The following ALDH1A2 variants were observed in gnomAD, a reference collection of about 807,000 sequenced individuals.
ALDH1A2 encodes retinal dehydrogenase 2.
In ALDH1A2, 27 loss-of-function variants were observed where a neutral mutation model predicts 60.3. That is an observed-to-expected ratio of 0.45 (90% CI 0.33 to 0.62). The LOEUF (loss-of-function observed/expected upper bound fraction) is 0.62, where lower values mean the gene tolerates loss of function less well. ALDH1A2 is among the 20% of genes least tolerant of loss of function. The pLI, the probability that ALDH1A2 is intolerant of heterozygous loss-of-function variation, is 0.02. For synonymous variants in ALDH1A2, 289 were observed against 232.4 expected, an observed-to-expected ratio of 1.24 and a Z score of -2.21; for missense variants, 581 against 643.8, an observed-to-expected ratio of 0.90 and a Z score of 1.06.
At chr15:58,060,664 G>A (rs559008482) in intron 1 of ALDH1A2, among the ~76,000 whole-genome samples, 1 of 152,062 alleles carries the variant, frequency 6.6e-6, no homozygotes, top group South Asian at 2.1e-4. Flanking sequence ...CTAAAATGTG[G>A]GCTATATGGT....
At chr15:57,990,402 T>G (rs1484204711) in intron 7 of ALDH1A2, 2 of 152,172 alleles carry the variant, frequency 1.3e-5, no homozygotes, top group East Asian at 1.9e-4. Context: ...GTCTGTTTAA[T>G]AGGAAAAATT....
chr15:58,052,056 GGTAA>G (rs1896789829), intron 1 of ALDH1A2, among the ~76,000 whole-genome samples: 1 of 152,094 alleles, frequency 6.6e-6, no homozygotes, highest in Admixed American at 6.6e-5. Flanking sequence ...TTTCTAATAT[GGTAA>G]GTCCTTAGCA....
intron 1 of ALDH1A2, among the ~76,000 whole-genome samples, chr15:58,042,735 G>A (rs1896549883): frequency 6.6e-6 from 1 of 151,824 alleles, no homozygotes; most frequent in Non-Finnish European, 1.5e-5. Flanking sequence ...AAGACACTGT[G>A]GTCACCAAGA....
chr15:58,012,157 T>C (rs1895445033), intron 3 of ALDH1A2: 1 of 152,070 alleles, frequency 6.6e-6, no homozygotes, highest in African/African-American at 2.4e-5. Flanking sequence ...ACCTGATCAG[T>C]GAGACACAGA....
At chr15:58,030,318 G>A (rs1221008821) in intron 1 of ALDH1A2, among the ~76,000 whole-genome samples, 1 of 152,062 alleles carries the variant, frequency 6.6e-6, no homozygotes, top group Admixed American at 6.6e-5. Context: ...ATGCAGAAAA[G>A]GCCTTCAACA....
At chr15:58,039,046 C>A (rs1230588422) in intron 1 of ALDH1A2, among the ~76,000 whole-genome samples, 3 of 151,776 alleles carry the variant, frequency 2.0e-5, no homozygotes, top group African/African-American at 7.2e-5. Flanking sequence ...CATTCCCCCA[C>A]CCCTTGAATT....
rs1368472750 is a variant in ALDH1A2 at position 57,962,062 on chromosome 15, GC to G, written c.1200del (p.Glu400AspfsTer27). On this transcript the variant is annotated frameshift_variant, in exon 10 of 13. Transcript: ENST00000249750. LOFTEE classifies it high-confidence loss of function. ...KGLGRKGFFIEPTVFSNVTDD... is the reference protein window; with the variant it reads ...KGLGRKGFFIXPTVFSNVTDD... ...TCAGTGACGTTGGAAAACACTGTGG[GC>G]TCAATGAAAAACCCCTTTCGGCCCA... The G allele has an allele frequency of 6.2e-7, 1 of 1,613,948 alleles. No homozygotes were observed. Among genetic ancestry groups the G allele is most frequent in the Admixed American group, 1.7e-5 (1 of 59,996 alleles).
At chr15:58,026,908 C>T (rs1896094566) in intron 1 of ALDH1A2, among the ~76,000 whole-genome samples, 1 of 152,214 alleles carries the variant, frequency 6.6e-6, no homozygotes, top group South Asian at 2.1e-4. Flanking sequence ...TCAGCAAGCC[C>T]TACTGCCTCT....
intron 1 of ALDH1A2, among the ~76,000 whole-genome samples, chr15:58,026,397 G>A (rs1192947070): frequency 6.6e-6 from 1 of 152,136 alleles, no homozygotes; most frequent in Admixed American, 6.6e-5. Context: ...CTATCGGTAT[G>A]CTTCCAAGAT....
At chr15:57,957,037 G>T (rs1893550813) in intron 12 of ALDH1A2, among the ~76,000 whole-genome samples, 2 of 152,178 alleles carry the variant, frequency 1.3e-5, no homozygotes, top group Non-Finnish European at 2.9e-5. Context: ...GTGCACGGGG[G>T]AAGTGGACTC....
intron 12 of ALDH1A2, among the ~76,000 whole-genome samples, chr15:57,957,047 C>T (rs1474504052): frequency 6.6e-6 from 1 of 152,134 alleles, no homozygotes; most frequent in Non-Finnish European, 1.5e-5. Flanking sequence ...GAAGTGGACT[C>T]AAATCTGCTA....
intron 1 of ALDH1A2, among the ~76,000 whole-genome samples, chr15:58,027,980 A>G (rs748898053): frequency 6.6e-6 from 1 of 152,206 alleles, no homozygotes; most frequent in African/African-American, 2.4e-5. Flanking sequence ...ACTCTTCAGG[A>G]CATTATCCAG....
chr15:57,992,430 G>A (rs546972250), intron 7 of ALDH1A2, among the ~76,000 whole-genome samples: 4 of 152,204 alleles, frequency 2.6e-5, no homozygotes, highest in South Asian at 2.1e-4. Flanking sequence ...TGCTTCTGCC[G>A]CTATTCAACA....
chr15:58,023,251 G>A (rs1370442309), intron 1 of ALDH1A2, among the ~76,000 whole-genome samples: 1 of 152,012 alleles, frequency 6.6e-6, no homozygotes, highest in Non-Finnish European at 1.5e-5. Flanking sequence ...CTTCAAGACA[G>A]GTCTTTTGAA....
Position 57,995,217 on chromosome 15 carries a change from C to CAAAAAAAAAA in ALDH1A2, c.494-88_494-79dup, listed in dbSNP as rs34068380. ...TGCAAAGGGAGAACTTTGGTGGCTG[C>CAAAAAAAAAA]AAAAAAAAAAAAAAAAAAACAAACA... is the stretch of plus-strand genomic sequence containing the variant. On this transcript the variant is annotated intron_variant, in intron 4 of 12. Transcript: ENST00000249750. The CAAAAAAAAAA allele has an allele frequency of 5.9e-4, 170 of 287,972 alleles. 2 individuals carry two copies. The highest frequency in any genetic ancestry group is 2.3e-3 in the Middle Eastern group (2 of 872). 17.8% of individuals were successfully genotyped at this position (287,972 alleles called of 1,614,324 possible). A position where few individuals can be genotyped will look rare whatever the true frequency, so the allele number is the denominator to read the frequency against.
chr15:58,008,878 C>A (rs1431250071), intron 4 of ALDH1A2, among the ~76,000 whole-genome samples: 2 of 152,000 alleles, frequency 1.3e-5, no homozygotes, highest in East Asian at 3.9e-4. Context: ...GACTTTCTAC[C>A]TCACTTAGGC....
intron 10 of ALDH1A2, 102 bp from the exon 11 acceptor site, chr15:57,961,396 C>T (rs1280537190): frequency 1.4e-6 from 2 of 1,389,158 alleles, no homozygotes; most frequent in African/African-American, 2.9e-5. Flanking sequence ...CTTAAATGAC[C>T]TTTAAGTTTA....
At chr15:57,998,453 T>A (rs1442701900) in intron 4 of ALDH1A2, among the ~76,000 whole-genome samples, 1 of 151,952 alleles carries the variant, frequency 6.6e-6, no homozygotes. Flanking sequence ...CATTCATAAT[T>A]GATACAAACA....
At chr15:57,981,323 C>CACACAG (rs1304130106) in intron 7 of ALDH1A2, among the ~76,000 whole-genome samples, 1 of 145,138 alleles carries the variant, frequency 6.9e-6, no homozygotes, top group African/African-American at 2.8e-5. Flanking sequence ...CACACACACA[C>CACACAG]ACACAGACAC....
Sources: gnomAD v4.1 joint callset for allele counts (sites outside exome capture counted in the v4.1 genomes callset) on GRCh38, gnomAD v4.1.1 for gene constraint, MANE v1.5 for transcripts, NCBI Gene and HGNC (gene_info 2026-07-23, HGNC 2026-07-21) for gene names.